Variants in HS6ST3 observed in about 807,000 individuals in gnomAD.
The protein encoded by HS6ST3 is heparan sulfate 6-O-sulfotransferase 3.
A neutral mutation model predicts 36.7 loss-of-function variants in HS6ST3; 12 were observed. The observed-to-expected ratio is 0.33, with a 90% CI of 0.21 to 0.53. The LOEUF is 0.53. Among genes scored for constraint, HS6ST3 ranks in the 20% least tolerant of loss-of-function variants. HS6ST3 has a pLI of 0.95. For synonymous variants in HS6ST3, 240 were observed against 257.5 expected, an observed-to-expected ratio of 0.93 and a Z score of 0.65; for missense variants, 584 against 640.9, an observed-to-expected ratio of 0.91 and a Z score of 0.96.
At chr13:96,649,023 A>G (rs1354493238) in intron 1 of HS6ST3, among the ~76,000 whole-genome samples, 5 of 151,914 alleles carry the variant, frequency 3.3e-5, no homozygotes, top group South Asian at 2.1e-4. Flanking sequence ...TAATATTGAC[A>G]CTTGGACATC....
At chr13:96,364,486 T>A (rs2055253927) in intron 1 of HS6ST3, among the ~76,000 whole-genome samples, 1 of 152,130 alleles carries the variant, frequency 6.6e-6, no homozygotes, top group East Asian at 1.9e-4. Flanking sequence ...AACACTATGC[T>A]AAGTAAAACA....
chr13:96,639,467 A>G (rs2056562403), intron 1 of HS6ST3, among the ~76,000 whole-genome samples: 2 of 151,960 alleles, frequency 1.3e-5, no homozygotes, highest in Admixed American at 6.6e-5. Flanking sequence ...ATATTTTTAA[A>G]TCCATTCTGC....
chr13:96,635,686 C>T (rs1426105770), intron 1 of HS6ST3, among the ~76,000 whole-genome samples: 4 of 152,162 alleles, frequency 2.6e-5, no homozygotes, highest in African/African-American at 9.7e-5. Flanking sequence ...ACCTCATCTT[C>T]TCCATGAATG....
At chr13:96,360,817 G>A (rs1305854693) in intron 1 of HS6ST3, among the ~76,000 whole-genome samples, 2 of 151,710 alleles carry the variant, frequency 1.3e-5, no homozygotes, top group African/African-American at 2.4e-5. Context: ...TGTAGTGGTG[G>A]GCACCTGTAG....
intron 1 of HS6ST3, among the ~76,000 whole-genome samples, chr13:96,573,452 G>T (rs921515192): frequency 3.9e-5 from 6 of 152,240 alleles, no homozygotes; most frequent in Admixed American, 2.0e-4. Context: ...TCCTGTCCCT[G>T]CAAGAGCATC....
At chr13:96,517,988 G>A (rs2056079218) in intron 1 of HS6ST3, among the ~76,000 whole-genome samples, 1 of 152,100 alleles carries the variant, frequency 6.6e-6, no homozygotes, top group Admixed American at 6.6e-5. Context: ...ACTGGATAAA[G>A]AAAATGTGGT....
chr13:96,465,055 T>C (rs529723355), intron 1 of HS6ST3, among the ~76,000 whole-genome samples: 1 of 152,082 alleles, frequency 6.6e-6, no homozygotes, highest in East Asian at 1.9e-4. Context: ...TCAATAGTTA[T>C]AAGTAGGCAT....
chr13:96,359,320 T>C (rs2139435035), intron 1 of HS6ST3, among the ~76,000 whole-genome samples: 1 of 152,326 alleles, frequency 6.6e-6, no homozygotes, highest in African/African-American at 2.4e-5. Flanking sequence ...TACTCCACAG[T>C]TGACTGACTG....
At chr13:96,145,047 T>C (rs1175466506) in intron 1 of HS6ST3, among the ~76,000 whole-genome samples, 3 of 146,614 alleles carry the variant, frequency 2.0e-5, no homozygotes, top group Non-Finnish European at 4.5e-5. Flanking sequence ...CAGTCTATCA[T>C]TGTTGGACAT....
intron 1 of HS6ST3, among the ~76,000 whole-genome samples, chr13:96,683,933 C>G (rs981250371): frequency 7.2e-5 from 11 of 152,002 alleles, no homozygotes; most frequent in Non-Finnish European, 1.3e-4. Context: ...CCAAATTACT[C>G]TGCATACTTT....
intron 1 of HS6ST3, among the ~76,000 whole-genome samples, chr13:96,720,804 T>G (rs559093602): frequency 6.6e-6 from 1 of 152,344 alleles, no homozygotes; most frequent in East Asian, 1.9e-4. Flanking sequence ...GACATAGATA[T>G]GTTTTGCAGT....
chr13:96,650,680 A>G (rs1030548445), intron 1 of HS6ST3, among the ~76,000 whole-genome samples: 1 of 152,076 alleles, frequency 6.6e-6, no homozygotes, highest in African/African-American at 2.4e-5. Flanking sequence ...AGACTGAAAT[A>G]TAAGAATGAT....
chr13:96,661,308 G>A (rs2056645503), intron 1 of HS6ST3, among the ~76,000 whole-genome samples: 2 of 152,140 alleles, frequency 1.3e-5, no homozygotes, highest in Admixed American at 6.5e-5. Flanking sequence ...TTTTATGAAT[G>A]TGGGTGCTCC....
chr13:96,411,162 G>A (rs1044929213), intron 1 of HS6ST3, among the ~76,000 whole-genome samples: 4 of 152,148 alleles, frequency 2.6e-5, no homozygotes, highest in African/African-American at 9.7e-5. Context: ...ATGAATAAAA[G>A]ACAAAGATTT....
At chr13:96,749,838 A>G (rs534361109) in intron 1 of HS6ST3, among the ~76,000 whole-genome samples, 9 of 152,244 alleles carry the variant, frequency 5.9e-5, no homozygotes, top group South Asian at 4.1e-4. Context: ...AAGATTATGC[A>G]TAGTATTCTT....
intron 1 of HS6ST3, among the ~76,000 whole-genome samples, chr13:96,795,025 C>A (rs989306908): frequency 2.1e-4 from 32 of 152,012 alleles, no homozygotes; most frequent in African/African-American, 7.0e-4. Flanking sequence ...TCTGTGACTT[C>A]TACCTTAGTA....
chr13:96,240,482 T>G lies in HS6ST3; in HGVS notation c.707+148913T>G, dbSNP rs571609423. ...AAGTTCCACAGGAACATTCATTTGC[T>G]AAGTTAGGGATGAGGGAAGTCTTCC... On this transcript the variant is annotated intron_variant, in intron 1 of 1. Transcript: ENST00000376705. Among the ~76,000 whole-genome samples, 5 of 152,324 alleles carry G rather than the reference T, an allele frequency of 3.3e-5. No individual in the cohort carries two copies. The South Asian group carries it at 8.3e-4, about 25-fold the overall frequency.
Position 96,105,066 on chromosome 13 carries a change from G to GAAA in HS6ST3, c.707+13509_707+13511dup, listed in dbSNP as rs35882347. Among the ~76,000 whole-genome samples, 329 of 137,376 alleles carry GAAA rather than the reference G, an allele frequency of 2.4e-3. 1 individual carries two copies. The highest frequency in any genetic ancestry group is 4.0e-3 in the East Asian group (19 of 4,746). The allele number at this position is 137,376 out of a possible 152,430, so 90.1% of individuals were successfully genotyped here. ...GTAATTAACCAAAGGCATAAAGATG[G>GAAA]AAAAAAAAAAAAAAGAAAAAGAAAG... On this transcript the variant is annotated intron_variant, in intron 1 of 1. Transcript: ENST00000376705.
intron 1 of HS6ST3, among the ~76,000 whole-genome samples, chr13:96,221,061 C>T (rs1325984990): frequency 1.3e-5 from 2 of 152,080 alleles, no homozygotes; most frequent in Non-Finnish European, 2.9e-5. Context: ...AGAAAATTTA[C>T]CTTTTCTAGT....
Sources: gnomAD v4.1 joint callset for allele counts (sites outside exome capture counted in the v4.1 genomes callset) on GRCh38, gnomAD v4.1.1 for gene constraint, MANE v1.5 for transcripts, NCBI Gene and HGNC (gene_info 2026-07-23, HGNC 2026-07-21) for gene names.